RBM26: variants seen among roughly 807,000 people sequenced by gnomAD.
RBM26 encodes RNA binding motif protein 26, also known as RNA-binding protein 26.
In RBM26, 30 loss-of-function variants were observed where a neutral mutation model predicts 123.6. That is an observed-to-expected ratio of 0.24 (90% CI 0.18 to 0.33). The LOEUF (loss-of-function observed/expected upper bound fraction) is 0.33, where lower values mean the gene tolerates loss of function less well. Ranked by LOEUF, RBM26 falls within the 10% of genes least tolerant of loss-of-function variation. The pLI is 1.00. For synonymous variants in RBM26, 400 were observed against 404.4 expected, an observed-to-expected ratio of 0.99 and a Z score of 0.13; for missense variants, 947 against 1,203.6, an observed-to-expected ratio of 0.79 and a Z score of 3.15.
chr13:79,348,802 A>T (rs1246568769), intron 14 of RBM26, among the ~76,000 whole-genome samples: 1 of 152,192 alleles, frequency 6.6e-6, no homozygotes, highest in Non-Finnish European at 1.5e-5. Flanking sequence ...GGTGAGAAGA[A>T]TGGGATTTTG....
At chr13:79,343,620 G>A (rs1292246368) in intron 16 of RBM26, among the ~76,000 whole-genome samples, 1 of 151,722 alleles carries the variant, frequency 6.6e-6, no homozygotes, top group South Asian at 2.1e-4. Flanking sequence ...CAGTCCAAAA[G>A]AAAGAACCCA....
rs2076855610 is a variant in RBM26, at chr13:79,378,873, C to T, written c.106G>A (p.Val36Ile). Residue 36 changes from valine (V) to isoleucine (I), a missense_variant, in exon 2 of 22, where the codon GTT becomes ATT. Physicochemically the swap from Val to Ile is conservative, Grantham distance 29. Around this residue, in one of 5 missense-constraint regions of RBM26, gnomAD observed 275 missense variants for 361.0 expected, o/e 0.76. Transcript: ENST00000438737. ...DADPSALAKY[V>I]LALVKKDKSE... Reference sequence around the variant, plus strand: ...TTGTCTTTCTTTACCAAAGCCAGAACATATTTTGCTAGGGCGGATGGATCT... The same window carrying T: ...TTGTCTTTCTTTACCAAAGCCAGAATATATTTTGCTAGGGCGGATGGATCT... 6.2e-7 allele frequency: 1 copy of T among 1,613,384 alleles called. No individual in the cohort carries two copies. The highest frequency in any genetic ancestry group is 1.3e-5 in the African/African-American group (1 of 74,910).
At chr13:79,365,523 T>G in intron 9 of RBM26, 55 bp downstream of exon 9, 1 of 1,406,992 alleles carries the variant, frequency 7.1e-7, no homozygotes, top group Non-Finnish European at 1.0e-6. Flanking sequence ...TTTATAAATG[T>G]TTTCCCACTG....
At chr13:79,404,137 AT>A (rs1381091744) in intron 1 of RBM26, among the ~76,000 whole-genome samples, 1 of 152,188 alleles carries the variant, frequency 6.6e-6, no homozygotes, top group Non-Finnish European at 1.5e-5. Context: ...ACTTAGCTGT[AT>A]CCCACAGACT....
At chr13:79,382,675 A>G (rs971911093) in intron 1 of RBM26, among the ~76,000 whole-genome samples, 5 of 152,250 alleles carry the variant, frequency 3.3e-5, no homozygotes, top group Admixed American at 2.6e-4. Flanking sequence ...GCACTTTAGT[A>G]AACGGTTAAG....
At chr13:79,394,923 G>A (rs1315247986) in intron 1 of RBM26, among the ~76,000 whole-genome samples, 1 of 152,080 alleles carries the variant, frequency 6.6e-6, no homozygotes. Context: ...TGTGAGCCAC[G>A]GCACCCAGCC....
intron 18 of RBM26, among the ~76,000 whole-genome samples, chr13:79,338,676 T>C (rs933056304): frequency 6.6e-5 from 10 of 152,158 alleles, no homozygotes; most frequent in African/African-American, 2.4e-4. Flanking sequence ...AAGAGTGATG[T>C]AACCAAATCA....
At position 79,355,625 on chromosome 13, in the gene RBM26, T is replaced by C. The variant is rs564139615; in HGVS notation, c.1690-241A>G. 2.6e-5 allele frequency among the ~76,000 whole-genome samples: 4 copies of C among 152,344 alleles called. No homozygotes were observed. In the South Asian group the frequency reaches 6.2e-4, roughly 24 times the overall value. Reference sequence around the variant, plus strand: ...GCAGAGAAAGTCGACTGCATAAATGTTACATATAGGCATTCAAAGTGTTTC... The same window carrying C: ...GCAGAGAAAGTCGACTGCATAAATGCTACATATAGGCATTCAAAGTGTTTC... On this transcript the variant is annotated intron_variant, in intron 11 of 21. Coordinates refer to ENST00000438737, the MANE Select transcript of RBM26 (RefSeq NM_001366735.2).
intron 9 of RBM26, 101 bp from the exon 10 acceptor site, chr13:79,359,787 T>C: frequency 4.4e-6 from 1 of 224,964 alleles, no homozygotes; most frequent in Non-Finnish European, 8.0e-6. Context: ...GGCTTTTGTC[T>C]AAATATATAT....
chr13:79,364,232 A>G (rs2075026021), intron 9 of RBM26, among the ~76,000 whole-genome samples: 1 of 152,216 alleles, frequency 6.6e-6, no homozygotes, highest in Non-Finnish European at 1.5e-5. Flanking sequence ...AAAAGAGGAT[A>G]TAAATCTGAA....
intron 14 of RBM26, among the ~76,000 whole-genome samples, chr13:79,345,914 G>A (rs2139244267): frequency 6.6e-6 from 1 of 152,276 alleles, no homozygotes; most frequent in South Asian, 2.1e-4. Flanking sequence ...AGTTCCACGG[G>A]GTGACTGGTT....
At chr13:79,348,140 A>C (rs2072630832) in intron 14 of RBM26, among the ~76,000 whole-genome samples, 4 of 152,100 alleles carry the variant, frequency 2.6e-5, no homozygotes. Context: ...TATGTATTTC[A>C]TGTATCACTG....
At chr13:79,372,556 T>C (rs944023769) in intron 3 of RBM26, among the ~76,000 whole-genome samples, 2 of 150,708 alleles carry the variant, frequency 1.3e-5, no homozygotes, top group African/African-American at 4.9e-5. Flanking sequence ...TCCAATTTTA[T>C]TCCTCTTTCA....
chr13:79,404,386 C>T (rs956563852), intron 1 of RBM26, among the ~76,000 whole-genome samples: 6 of 152,368 alleles, frequency 3.9e-5, no homozygotes, highest in South Asian at 2.1e-4. Flanking sequence ...TCTCTGCCTA[C>T]AACACACTTC....
At chr13:79,399,820 A>G (rs1322620486) in intron 1 of RBM26, among the ~76,000 whole-genome samples, 2 of 152,214 alleles carry the variant, frequency 1.3e-5, no homozygotes, top group African/African-American at 2.4e-5. Context: ...AGGAAGGAGA[A>G]GCCAAAAAAT....
In RBM26 at chr13:79,320,546, A is replaced by G; in HGVS notation, c.*75T>C. 2 of 1,322,170 alleles carry G rather than the reference A, an allele frequency of 1.5e-6. No individual in the cohort carries two copies. Among genetic ancestry groups the G allele is most frequent in the South Asian group, 4.8e-5 (2 of 41,424 alleles). The allele number at this position is 1,322,170 out of a possible 1,614,324, so 81.9% of individuals were successfully genotyped here. ...TTTACCAAAAATTGTTTTTACAAAT[A>G]TGTAAAAGTACATTAGATAATACTA... On this transcript the variant is annotated 3_prime_UTR_variant, in exon 22 of 22. Transcript: ENST00000438737.
chr13:79,384,090 A>T (rs2077284858), intron 1 of RBM26, among the ~76,000 whole-genome samples: 1 of 152,210 alleles, frequency 6.6e-6, no homozygotes, highest in African/African-American at 2.4e-5. Flanking sequence ...TCCAATTTTA[A>T]TTCTCCAAGG....
At chr13:79,321,855 T>C (rs989960609) in intron 21 of RBM26, among the ~76,000 whole-genome samples, 2 of 151,454 alleles carry the variant, frequency 1.3e-5, no homozygotes, top group African/African-American at 2.4e-5. Flanking sequence ...TAGTTTCTTA[T>C]GTGTCTGCCA....
At chr13:79,379,727 T>C (rs1340414862) in intron 1 of RBM26, among the ~76,000 whole-genome samples, 1 of 139,634 alleles carries the variant, frequency 7.2e-6, no homozygotes, top group Non-Finnish European at 1.6e-5. Context: ...GAATGAAGAG[T>C]CAACCAATGA....
Sources: gnomAD v4.1 joint callset for allele counts (sites outside exome capture counted in the v4.1 genomes callset) on GRCh38, gnomAD v4.1.1 for gene constraint, gnomAD v4.1.1 regional missense constraint, MANE v1.5 for transcripts, NCBI Gene and HGNC (gene_info 2026-07-23, HGNC 2026-07-21) for gene names.